Variants in FMN1 observed in about 807,000 individuals in gnomAD.
FMN1 encodes the protein formin-1.
FMN1 carries 110 observed loss-of-function variants against 132.4 expected under a neutral mutation model. The ratio of observed to expected loss-of-function variants is 0.83; its 90% CI spans 0.71 to 0.97. The LOEUF (loss-of-function observed/expected upper bound fraction) is 0.97, where lower values mean the gene tolerates loss of function less well. FMN1 is among the 50% of genes least tolerant of loss of function. The probability of loss-of-function intolerance (pLI) is 0.00; values close to 1 mark genes in which losing one functional copy is unlikely to be tolerated. For missense variants in FMN1, 1,792 were observed against 1,705.3 expected (o/e 1.05, Z -0.90); for synonymous variants, 722 against 651.7 (o/e 1.11, Z -1.64).
chr15:33,130,053 G>C (rs556569055), intron 4 of FMN1, among the ~76,000 whole-genome samples: 5 of 152,070 alleles, frequency 3.3e-5, no homozygotes, highest in African/African-American at 1.2e-4. Context: ...TCCACCTCGT[G>C]ATCCACCTGA....
intron 4 of FMN1, among the ~76,000 whole-genome samples, chr15:33,144,967 T>G (rs1158708351): frequency 1.3e-5 from 2 of 152,198 alleles, no homozygotes; most frequent in Non-Finnish European, 2.9e-5. Context: ...CATTTGATTC[T>G]CAAAAAACCG....
chr15:32,811,940 C>T (rs1326401360), intron 17 of FMN1, among the ~76,000 whole-genome samples: 1 of 152,194 alleles, frequency 6.6e-6, no homozygotes, highest in Non-Finnish European at 1.5e-5. Flanking sequence ...TGAGCCACCA[C>T]ACCCAGCCTT....
At chr15:32,796,380 AT>A (rs900239952) in intron 19 of FMN1, among the ~76,000 whole-genome samples, 17 of 152,106 alleles carry the variant, frequency 1.1e-4, no homozygotes, top group African/African-American at 4.1e-4. Flanking sequence ...AGTGAGTTGA[AT>A]TTTTCTGATG....
intron 17 of FMN1, among the ~76,000 whole-genome samples, chr15:32,849,137 C>A (rs2058940692): frequency 7.1e-6 from 1 of 141,380 alleles, no homozygotes; most frequent in African/African-American, 2.6e-5. Context: ...GCGCTTGTCA[C>A]CACGCTCAGC....
intron 16 of FMN1, among the ~76,000 whole-genome samples, chr15:32,880,407 A>T (rs2059741214): frequency 6.6e-6 from 1 of 152,114 alleles, no homozygotes; most frequent in Non-Finnish European, 1.5e-5. Context: ...AGATGTATTA[A>T]TTGTGTATTC....
At chr15:33,174,089 A>C (rs1407371700) in intron 3 of FMN1, among the ~76,000 whole-genome samples, 1 of 152,030 alleles carries the variant, frequency 6.6e-6, no homozygotes, top group East Asian at 1.9e-4. Context: ...ATAAACAACA[A>C]TTTCTGGGTT....
chr15:33,042,871 T>A (rs1303609222), intron 6 of FMN1, among the ~76,000 whole-genome samples: 1 of 152,188 alleles, frequency 6.6e-6, no homozygotes, highest in South Asian at 2.1e-4. Context: ...GCCTAAAATT[T>A]GATTCCATGT....
chr15:33,000,344 G>A (rs2034023224), intron 7 of FMN1, among the ~76,000 whole-genome samples: 1 of 151,960 alleles, frequency 6.6e-6, no homozygotes, highest in African/African-American at 2.4e-5. Flanking sequence ...AGCTACTCGG[G>A]AGGCTGAGGC....
intron 4 of FMN1, among the ~76,000 whole-genome samples, chr15:33,138,503 C>T (rs1963869545): frequency 6.6e-6 from 1 of 152,150 alleles, no homozygotes; most frequent in African/African-American, 2.4e-5. Context: ...ATACTGCCAC[C>T]TTCCTCTTGT....
At chr15:32,987,601 G>A (rs555429016) in intron 7 of FMN1, among the ~76,000 whole-genome samples, 1 of 152,228 alleles carries the variant, frequency 6.6e-6, no homozygotes, top group Non-Finnish European at 1.5e-5. Flanking sequence ...AGATTGGCAT[G>A]AAGATCATTC....
chr15:33,167,433 G>A lies in FMN1; in HGVS notation c.-131-12388C>T, dbSNP rs145406195. 6.1e-3 allele frequency among the ~76,000 whole-genome samples: 925 copies of A among 152,308 alleles called. 6 individuals are homozygous for A. The highest frequency in any genetic ancestry group is 0.021 in the African/African-American group (873 of 41,562). On this transcript the variant is annotated intron_variant, in intron 3 of 20. Coordinates refer to ENST00000616417, the MANE Select transcript of FMN1 (RefSeq NM_001277313.2). The stretch of plus-strand genomic sequence containing the variant: ...TTTTCCCTTATAAATTACCCAGCCT[G>A]GGGTATGTATTTATTAGCAGTATGA...
chr15:32,926,400 T>C, intron 9 of FMN1, 139 bp from the exon 10 acceptor site: 2 of 551,426 alleles, frequency 3.6e-6, no homozygotes, highest in Non-Finnish European at 6.4e-6. Context: ...CTTTAAATAA[T>C]ACTTAATTGG....
At chr15:32,919,187 T>C (rs2060758930) in intron 10 of FMN1, among the ~76,000 whole-genome samples, 1 of 152,182 alleles carries the variant, frequency 6.6e-6, no homozygotes, top group Admixed American at 6.5e-5. Context: ...GTTTTCTTAT[T>C]CTAAAATCTG....
intron 19 of FMN1, among the ~76,000 whole-genome samples, chr15:32,794,003 G>T (rs2057185645): frequency 6.6e-6 from 1 of 152,104 alleles, no homozygotes; most frequent in African/African-American, 2.4e-5. Flanking sequence ...CCCAGCTCTT[G>T]GTCCTAAAGT....
chr15:32,823,719 T>C (rs1043089469), intron 17 of FMN1, among the ~76,000 whole-genome samples: 2 of 152,218 alleles, frequency 1.3e-5, no homozygotes, highest in Non-Finnish European at 2.9e-5. Flanking sequence ...GGTACAATCA[T>C]AACCATTTTT....
intron 17 of FMN1, among the ~76,000 whole-genome samples, chr15:32,832,357 G>A (rs1194685974): frequency 6.6e-6 from 1 of 152,176 alleles, no homozygotes; most frequent in Non-Finnish European, 1.5e-5. Context: ...TCCTTCTGAT[G>A]AAGCTGTAAT....
chr15:33,150,993 T>G, intron 4 of FMN1: 1 of 1,108,986 alleles, frequency 9.0e-7, no homozygotes, highest in Non-Finnish European at 1.1e-6. Flanking sequence ...AAGACAAAGG[T>G]AGCTGGAAGC....
chr15:32,977,625 G>A (rs1471403873), intron 7 of FMN1, among the ~76,000 whole-genome samples: 8 of 152,104 alleles, frequency 5.3e-5, no homozygotes, highest in Non-Finnish European at 1.0e-4. Flanking sequence ...AAGATTTCCT[G>A]TAGTTCTAAA....
intron 6 of FMN1, among the ~76,000 whole-genome samples, chr15:33,040,143 A>T (rs946535679): frequency 3.3e-5 from 5 of 152,168 alleles, no homozygotes; most frequent in Non-Finnish European, 5.9e-5. Flanking sequence ...TAATAAACTA[A>T]AAACAAGTGC....
Sources: gnomAD v4.1 joint callset for allele counts (sites outside exome capture counted in the v4.1 genomes callset) on GRCh38, gnomAD v4.1.1 for gene constraint, MANE v1.5 for transcripts, NCBI Gene and HGNC (gene_info 2026-07-23, HGNC 2026-07-21) for gene names.